The following LDLRAD3 variants were observed in gnomAD, a reference collection of about 807,000 sequenced individuals.
LDLRAD3 encodes low-density lipoprotein receptor class A domain-containing protein 3.
LDLRAD3 carries 20 observed loss-of-function variants against 29.4 expected under a neutral mutation model. The observed-to-expected ratio is 0.68, with a 90% confidence interval of 0.48 to 0.99. The LOEUF (loss-of-function observed/expected upper bound fraction) is 0.99, where lower values mean the gene tolerates loss of function less well. Among genes scored for constraint, LDLRAD3 ranks in the 50% least tolerant of loss-of-function variants. The probability of loss-of-function intolerance (pLI) is 0.00; values close to 1 mark genes in which losing one functional copy is unlikely to be tolerated. For synonymous variants in LDLRAD3, 157 were observed against 192.7 expected, an observed-to-expected ratio of 0.81 and a Z score of 1.53; for missense variants, 420 against 454.3, an observed-to-expected ratio of 0.92 and a Z score of 0.69.
At chr11:36,158,083 G>A (rs16928462) in intron 4 of LDLRAD3, among the ~76,000 whole-genome samples, 10,601 of 152,072 alleles carry the variant, frequency 0.07, 541 homozygotes, top group East Asian at 0.25. Flanking sequence ...CCTTCTTTTC[G>A]TTTTATGCTG....
At chr11:36,143,413 C>T (rs146204413) in intron 4 of LDLRAD3, among the ~76,000 whole-genome samples, 295 of 152,320 alleles carry the variant, frequency 1.9e-3, no homozygotes, top group African/African-American at 6.8e-3. Context: ...TCTTTCTCCA[C>T]GGTTCAGGGC....
chr11:35,961,139 G>A (rs1045153421), intron 1 of LDLRAD3, among the ~76,000 whole-genome samples: 14 of 152,234 alleles, frequency 9.2e-5, no homozygotes, highest in African/African-American at 2.4e-4. Flanking sequence ...TTTCCCAATT[G>A]TGTGGATTCT....
At chr11:35,990,229 G>A (rs113176537) in intron 1 of LDLRAD3, among the ~76,000 whole-genome samples, 4,774 of 152,200 alleles carry the variant, frequency 0.031, 138 homozygotes, top group African/African-American at 0.075. Context: ...CCAACTGGGT[G>A]GTTTAAAACA....
At chr11:35,987,133 G>A (rs970821480) in intron 1 of LDLRAD3, among the ~76,000 whole-genome samples, 1 of 152,234 alleles carries the variant, frequency 6.6e-6, no homozygotes, top group Non-Finnish European at 1.5e-5. Context: ...GCCTCCTGTG[G>A]TGGAGGTGGG....
At chr11:36,039,978 T>A (rs770384347) in intron 2 of LDLRAD3, among the ~76,000 whole-genome samples, 1 of 152,184 alleles carries the variant, frequency 6.6e-6, no homozygotes, top group Non-Finnish European at 1.5e-5. Flanking sequence ...GATGTGGAAT[T>A]TCTGCCGCCT....
intron 1 of LDLRAD3, among the ~76,000 whole-genome samples, chr11:35,966,045 A>G (rs549842972): frequency 6.6e-6 from 1 of 152,324 alleles, no homozygotes; most frequent in Non-Finnish European, 1.5e-5. Context: ...ATGTTCTCTA[A>G]CGTAAATTTT....
At chr11:36,138,090 G>A (rs1854028127) in intron 4 of LDLRAD3, among the ~76,000 whole-genome samples, 1 of 152,174 alleles carries the variant, frequency 6.6e-6, no homozygotes, top group African/African-American at 2.4e-5. Context: ...AGGGAGTTGG[G>A]TCCAAGGCTG....
chr11:35,995,681 A>C (rs1443474377), intron 1 of LDLRAD3, among the ~76,000 whole-genome samples: 1 of 152,228 alleles, frequency 6.6e-6, no homozygotes, highest in African/African-American at 2.4e-5. Flanking sequence ...TCTACATTGA[A>C]AATCTGTTTT....
intron 2 of LDLRAD3, among the ~76,000 whole-genome samples, chr11:36,041,168 G>A (rs139799779): frequency 1.3e-3 from 202 of 152,278 alleles, no homozygotes; most frequent in African/African-American, 4.6e-3. Flanking sequence ...TTACAAAAAC[G>A]AGGAAGCTCC....
intron 3 of LDLRAD3, among the ~76,000 whole-genome samples, chr11:36,090,246 G>A (rs1171218705): frequency 6.6e-6 from 1 of 152,200 alleles, no homozygotes; most frequent in Non-Finnish European, 1.5e-5. Context: ...AGAAGCAGTT[G>A]ATAATGAGCA....
At chr11:35,985,792 G>A (rs565668991) in intron 1 of LDLRAD3, among the ~76,000 whole-genome samples, 5 of 150,924 alleles carry the variant, frequency 3.3e-5, no homozygotes, top group South Asian at 4.2e-4. Flanking sequence ...TTCACCTTCC[G>A]CCATGACTGT....
chr11:36,161,269 T>G (rs557476736), intron 4 of LDLRAD3, among the ~76,000 whole-genome samples: 1 of 152,194 alleles, frequency 6.6e-6, no homozygotes, highest in Admixed American at 6.5e-5. Context: ...ATATTACCCC[T>G]TTGATTCCTC....
At chr11:36,191,773 G>A (rs1854957551) in intron 4 of LDLRAD3, among the ~76,000 whole-genome samples, 1 of 151,694 alleles carries the variant, frequency 6.6e-6, no homozygotes, top group Admixed American at 6.6e-5. Flanking sequence ...GGAAACTTTT[G>A]TTTTCCCAGG....
chr11:36,205,583 A>G (rs1413350927), intron 4 of LDLRAD3, among the ~76,000 whole-genome samples: 1 of 152,244 alleles, frequency 6.6e-6, no homozygotes, highest in Non-Finnish European at 1.5e-5. Context: ...AAGTCTTTAC[A>G]GATCAAAAAA....
chr11:36,071,662 G>A (rs1852905909), intron 2 of LDLRAD3, among the ~76,000 whole-genome samples: 2 of 152,196 alleles, frequency 1.3e-5, no homozygotes, highest in African/African-American at 4.8e-5. Context: ...TTGCATGCTC[G>A]GATTTCTGCC....
intron 2 of LDLRAD3, among the ~76,000 whole-genome samples, chr11:36,056,988 C>G (rs1852630891): frequency 6.6e-6 from 1 of 152,230 alleles, no homozygotes; most frequent in East Asian, 1.9e-4. Context: ...TCAAACAACC[C>G]CCCAGGTGAC....
rs557620103 is a variant in LDLRAD3 at position 36,049,702 on chromosome 11, GTTACATTGCAAGTAT to G, written c.193+13455_193+13469del. 2.0e-3 allele frequency among the ~76,000 whole-genome samples: 310 copies of G among 152,284 alleles called. 1 individual carries two copies. The highest frequency in any genetic ancestry group is 0.01 in the Middle Eastern group (3 of 294). On this transcript the variant is annotated intron_variant, in intron 2 of 5. Coordinates refer to ENST00000315571, the MANE Select transcript of LDLRAD3 (RefSeq NM_174902.4). ...ATTGGAAGGCAAAGGACTCAGGTAG[GTTACATTGCAAGTAT>G]TCCATGTTCTATAGCACTGCAGAGC... is the stretch of plus-strand genomic sequence containing the variant.
intron 1 of LDLRAD3, among the ~76,000 whole-genome samples, chr11:35,952,981 G>A (rs1247515906): frequency 6.6e-6 from 1 of 152,182 alleles, no homozygotes; most frequent in Non-Finnish European, 1.5e-5. Flanking sequence ...GGGCTCTTGT[G>A]CGAAAGTAGG....
intron 1 of LDLRAD3, among the ~76,000 whole-genome samples, chr11:35,954,276 A>G (rs543680118): frequency 1.3e-5 from 2 of 152,336 alleles, no homozygotes; most frequent in South Asian, 2.1e-4. Context: ...AGCGGAAGGA[A>G]CACTGCCCAG....
Sources: gnomAD v4.1 joint callset for allele counts (sites outside exome capture counted in the v4.1 genomes callset) on GRCh38, gnomAD v4.1.1 for gene constraint, MANE v1.5 for transcripts, NCBI Gene and HGNC (gene_info 2026-07-23, HGNC 2026-07-21) for gene names.